FBN2: variants seen among roughly 807,000 people sequenced by gnomAD.
FBN2 encodes fibrillin-2.
A neutral mutation model predicts 355.6 loss-of-function variants in FBN2; 105 were observed. The ratio of observed to expected loss-of-function variants is 0.30; its 90% CI spans 0.25 to 0.35. The LOEUF (loss-of-function observed/expected upper bound fraction) is 0.35. Ranked by LOEUF, FBN2 falls within the 10% of genes least tolerant of loss-of-function variation. FBN2 has a pLI of 1.00. For missense variants in FBN2, 3,280 were observed against 3,758.7 expected, an observed-to-expected ratio of 0.87 and a Z score of 3.33; for synonymous variants, 1,350 against 1,301.2, an observed-to-expected ratio of 1.04 and a Z score of -0.81.
intron 9 of FBN2, 68 bp from the exon 10 acceptor site, chr5:128,393,436 C>T: frequency 7.4e-7 from 1 of 1,346,448 alleles, no homozygotes; most frequent in Non-Finnish European, 1.1e-6. Context: ...GCCATTGGTA[C>T]ACTGTACTAA....
intron 62 of FBN2, among the ~76,000 whole-genome samples, chr5:128,266,861 T>C (rs1765127052): frequency 6.6e-6 from 1 of 151,866 alleles, no homozygotes; most frequent in African/African-American, 2.4e-5. Flanking sequence ...ATTTAAATTT[T>C]ACTTTAAGTT....
At chr5:128,407,519 C>A (rs530353607) in intron 8 of FBN2, among the ~76,000 whole-genome samples, 1 of 152,124 alleles carries the variant, frequency 6.6e-6, no homozygotes, top group Non-Finnish European at 1.5e-5. Flanking sequence ...GCCTTACACA[C>A]GGTATGTGTA....
In FBN2 at chr5:128,288,508, G is replaced by C; in HGVS notation, c.6687C>G (p.Thr2229=). 6.2e-7 allele frequency: 1 copy of C among 1,613,788 alleles called. No homozygotes were observed. Among genetic ancestry groups the C allele is most frequent in the Non-Finnish European group, 8.5e-7 (1 of 1,179,788 alleles). ...TGCATTCAAAACTCCCAATAACATT[G>C]GTGCATGTACCATTTCCACACGGAT... ...IGNPCGNGTC[T]NVIGSFECNC... The change falls in exon 53 of 65, where the codon ACC becomes ACG. Residue 2229 remains threonine, a synonymous_variant. Coordinates refer to ENST00000262464, the MANE Select transcript of FBN2 (RefSeq NM_001999.4).
chr5:128,444,743 T>C (rs1421641041), intron 7 of FBN2, among the ~76,000 whole-genome samples: 1 of 152,242 alleles, frequency 6.6e-6, no homozygotes, highest in African/African-American at 2.4e-5. Context: ...CTTGGCTCTG[T>C]ATGCTGCTTT....
intron 55 of FBN2, among the ~76,000 whole-genome samples, chr5:128,282,336 GT>G (rs1056994726): frequency 5.3e-5 from 8 of 151,944 alleles, no homozygotes; most frequent in Admixed American, 2.0e-4. Flanking sequence ...GAATTAAAAA[GT>G]TTTTTTAGTT....
chr5:128,338,845 C>T, intron 26 of FBN2, 88 bp downstream of exon 26: 3 of 1,425,982 alleles, frequency 2.1e-6, no homozygotes, highest in African/African-American at 1.4e-5. Flanking sequence ...ATGCCGTTCA[C>T]AGCCCAGAGA....
intron 48 of FBN2, among the ~76,000 whole-genome samples, chr5:128,299,086 T>C (rs1193767751): frequency 5.9e-5 from 9 of 151,970 alleles, no homozygotes; most frequent in South Asian, 4.1e-4. Context: ...GTTGGAGTAC[T>C]GGGCCGTGTG....
At chr5:128,325,174 T>C (rs1750510469) in intron 34 of FBN2, among the ~76,000 whole-genome samples, 2 of 152,166 alleles carry the variant, frequency 1.3e-5, no homozygotes, top group South Asian at 4.1e-4. Context: ...TTATTTTCTG[T>C]CTCGTTGATC....
In FBN2 at chr5:128,464,940, A is replaced by G. The variant is rs374428361; in HGVS notation, c.629-19T>C. ...CTGTAATCTGGAATGTGGGAGAAGA[A>G]AGAAAGACAGGTTTTATGATCATAT... On this transcript the variant is annotated intron_variant, in intron 5 of 64. Coordinates refer to ENST00000262464, the MANE Select transcript of FBN2 (RefSeq NM_001999.4). The G allele has an allele frequency of 3.6e-5, 58 of 1,612,076 alleles. 1 individual carries two copies. Among genetic ancestry groups the G allele is most frequent in the South Asian group, 1.4e-4 (13 of 91,056 alleles).
chr5:128,527,904 T>G lies in FBN2; in HGVS notation c.500A>C (p.Gln167Pro). Residue 167 changes from glutamine (Q) to proline (P), a missense_variant, in exon 4 of 65, where the codon CAG (glutamine) becomes CCG (proline). By Grantham distance (76) the Gln-to-Pro change is moderately conservative. Coordinates refer to ENST00000262464, the MANE Select transcript of FBN2 (RefSeq NM_001999.4). ...ACAATAAGTTCCAATATATCCTTTC[T>G]GGCACTGGCAGTGGTCATCTGCACA... ...GTCADDHCQC[Q>P]KGYIGTYCGQ... The G allele has an allele frequency of 1.2e-6, 2 of 1,612,382 alleles. No homozygotes were observed. Among genetic ancestry groups the G allele is most frequent in the African/African-American group, 1.3e-5 (1 of 74,972 alleles).
At position 128,350,977 on chromosome 5, in the gene FBN2, G is replaced by A. The variant is rs1751340613; in HGVS notation, c.2703C>T (p.Asn901=). Residue 901 remains asparagine, a synonymous_variant, in exon 21 of 65, where the codon AAC becomes AAT. Transcript: ENST00000262464. Reference sequence around the variant, plus strand: ...TCACCTCACAGCGGCTGTCCTGGATGTTGAGCCAACAGGTCCCCTTCAGGC... The same window carrying A: ...TCACCTCACAGCGGCTGTCCTGGATATTGAGCCAACAGGTCCCCTTCAGGC... ...IDSLKGTCWL[N]IQDSRCEVNI... 2 of 1,614,178 alleles carry A rather than the reference G, an allele frequency of 1.2e-6. No individual in the cohort carries two copies. Among genetic ancestry groups the A allele is most frequent in the Middle Eastern group, 1.6e-4 (1 of 6,062 alleles).
At chr5:128,314,459 A>C (rs576184737) in intron 36 of FBN2, among the ~76,000 whole-genome samples, 1 of 152,210 alleles carries the variant, frequency 6.6e-6, no homozygotes, top group African/African-American at 2.4e-5. Flanking sequence ...CTGGGACTAC[A>C]GGTGCCTGCC....
In FBN2 at chr5:128,307,177, T is replaced by C; in HGVS notation, c.5380A>G (p.Ile1794Val). 6.2e-7 allele frequency: 1 copy of C among 1,610,208 alleles called. No individual in the cohort carries two copies. The highest frequency in any genetic ancestry group is 8.5e-7 in the Non-Finnish European group (1 of 1,176,668). ...TGAATGTCAAAGGTGAATCCAGGAATATTTCCACATATGGTTTTAAAGTCA... is the reference window on the plus strand; with the variant it reads ...TGAATGTCAAAGGTGAATCCAGGAACATTTCCACATATGGTTTTAAAGTCA... ...TADFKTICGN[I>V]PGFTFDIHTG... The change falls in exon 42 of 65, where the codon ATT (isoleucine) becomes GTT (valine). Residue 1794 changes from isoleucine (I) to valine (V), a missense_variant. Ile to Val is a conservative substitution (Grantham distance 29). This residue lies in a region of FBN2 where 2,284 missense variants were observed against 2,749.5 expected (regional missense o/e 0.83). Coordinates refer to ENST00000262464, the MANE Select transcript of FBN2 (RefSeq NM_001999.4).
chr5:128,355,743 T>C (rs1751481997), intron 20 of FBN2, among the ~76,000 whole-genome samples: 1 of 152,214 alleles, frequency 6.6e-6, no homozygotes, highest in Non-Finnish European at 1.5e-5. Flanking sequence ...ACTTTAAAAA[T>C]ATTAGGGAAA....
intron 7 of FBN2, among the ~76,000 whole-genome samples, chr5:128,437,274 T>C (rs1251050697): frequency 1.3e-5 from 2 of 152,164 alleles, no homozygotes; most frequent in Admixed American, 1.3e-4. Context: ...CGCTATGGTA[T>C]AGCTACATAA....
chr5:128,446,896 A>C (rs1006972992), intron 6 of FBN2, among the ~76,000 whole-genome samples: 9 of 152,228 alleles, frequency 5.9e-5, no homozygotes, highest in African/African-American at 2.2e-4. Context: ...GGCTGAAGCC[A>C]TGGCAGAAGC....
At chr5:128,399,327 C>T (rs1397073481) in intron 8 of FBN2, among the ~76,000 whole-genome samples, 1 of 152,146 alleles carries the variant, frequency 6.6e-6, no homozygotes, top group Admixed American at 6.5e-5. Flanking sequence ...TTTTTGGCAG[C>T]ACCAATGGAT....
chr5:128,307,582 A>G (rs1749919067), intron 41 of FBN2, among the ~76,000 whole-genome samples: 1 of 152,122 alleles, frequency 6.6e-6, no homozygotes, highest in South Asian at 2.1e-4. Context: ...AAAAGGAATT[A>G]CAGATTGCAC....
chr5:128,475,050 C>A (rs1215997338), intron 5 of FBN2, among the ~76,000 whole-genome samples: 1 of 152,178 alleles, frequency 6.6e-6, no homozygotes, highest in Non-Finnish European at 1.5e-5. Context: ...CCTGCTGGCA[C>A]TGATGGCCCA....
Sources: gnomAD v4.1 joint callset for allele counts (sites outside exome capture counted in the v4.1 genomes callset) on GRCh38, gnomAD v4.1.1 for gene constraint, gnomAD v4.1.1 regional missense constraint, MANE v1.5 for transcripts, NCBI Gene and HGNC (gene_info 2026-07-23, HGNC 2026-07-21) for gene names.